The following PHLDB2 variants were observed in gnomAD, a reference collection of about 807,000 sequenced individuals.
PHLDB2 encodes pleckstrin homology like domain family B member 2, also known as pleckstrin homology-like domain family B member 2.
In PHLDB2, 71 loss-of-function variants were observed where a neutral mutation model predicts 123.6. The ratio of observed to expected loss-of-function variants is 0.57; its 90% CI spans 0.47 to 0.70. The LOEUF (loss-of-function observed/expected upper bound fraction) is 0.70, where lower values mean the gene tolerates loss of function less well. PHLDB2 is among the 30% of genes least tolerant of loss of function. The pLI, the probability that PHLDB2 is intolerant of heterozygous loss-of-function variation, is 0.00. For synonymous variants in PHLDB2, 547 were observed against 541.6 expected, an observed-to-expected ratio of 1.01 and a Z score of -0.14; for missense variants, 1,446 against 1,519.5, an observed-to-expected ratio of 0.95 and a Z score of 0.80.
intron 2 of PHLDB2, among the ~76,000 whole-genome samples, chr3:111,903,222 G>A (rs2067301813): frequency 6.6e-6 from 1 of 152,342 alleles, no homozygotes. Context: ...TTAGGGTGGA[G>A]CCAGGGCAAT....
At chr3:111,928,989 C>T (rs1297090921) in intron 5 of PHLDB2, among the ~76,000 whole-genome samples, 2 of 152,112 alleles carry the variant, frequency 1.3e-5, no homozygotes, top group Non-Finnish European at 2.9e-5. Flanking sequence ...AGGCTAGGTG[C>T]AGTGGCTCAT....
At chr3:111,932,245 T>C (rs1289254398) in intron 5 of PHLDB2, 24 bp from the exon 6 acceptor site, 2 of 1,548,634 alleles carry the variant, frequency 1.3e-6, no homozygotes, top group Admixed American at 2.0e-5. Context: ...ATTTCTATTC[T>C]ATTTTCTGGT....
chr3:111,839,940 C>CTGTTT (rs2063601288), intron 1 of PHLDB2, among the ~76,000 whole-genome samples: 1 of 64,946 alleles, frequency 1.5e-5, no homozygotes, highest in Non-Finnish European at 2.6e-5. Flanking sequence ...CCCACCCCCG[C>CTGTTT]TTTTTTTTTT....
intron 1 of PHLDB2, among the ~76,000 whole-genome samples, chr3:111,733,103 G>C (rs1470327840): frequency 6.6e-6 from 1 of 152,078 alleles, no homozygotes; most frequent in African/African-American, 2.4e-5. Context: ...TACATATACT[G>C]TAGTATATGG....
At chr3:111,836,363 GAAAGAGGGAAAACA>G (rs1425317390) in intron 1 of PHLDB2, among the ~76,000 whole-genome samples, 1 of 152,156 alleles carries the variant, frequency 6.6e-6, no homozygotes, top group East Asian at 1.9e-4. Context: ...ATGAATGCTG[GAAAGAGGGAAAACA>G]AAAGGAAGGG....
chr3:111,845,711 C>A, intron 1 of PHLDB2: 1 of 1,264,544 alleles, frequency 7.9e-7, no homozygotes, highest in East Asian at 2.4e-5. Context: ...AGTTAGTTTC[C>A]CCGGATGTTA....
At chr3:111,893,600 G>A (rs1010241281) in intron 2 of PHLDB2, among the ~76,000 whole-genome samples, 27 of 150,920 alleles carry the variant, frequency 1.8e-4, no homozygotes, top group African/African-American at 6.5e-4. Context: ...TTGCTGTGGA[G>A]CCTTTTCTTA....
chr3:111,869,382 C>T (rs975580633), intron 1 of PHLDB2, among the ~76,000 whole-genome samples: 1 of 151,860 alleles, frequency 6.6e-6, no homozygotes, highest in African/African-American at 2.4e-5. Flanking sequence ...TCCTTTGAGT[C>T]TTTTGTTCTT....
intron 8 of PHLDB2, among the ~76,000 whole-genome samples, chr3:111,941,686 G>T (rs1337534955): frequency 6.6e-6 from 1 of 151,988 alleles, no homozygotes; most frequent in Non-Finnish European, 1.5e-5. Flanking sequence ...CACACACCTT[G>T]ATCCCAGCTA....
chr3:111,913,630 G>T lies in PHLDB2; in HGVS notation c.1647G>T (p.Arg549=), dbSNP rs763734356. The change falls in exon 3 of 18, where the codon CGG becomes CGT. Residue 549 remains arginine, a synonymous_variant. Coordinates refer to ENST00000431670, the MANE Select transcript of PHLDB2 (RefSeq NM_001134438.2). ...RNDELLSDLT[R]TPPPPSSTFP... ...ATGAACTACTCAGTGACCTCACCCG[G>T]ACTCCTCCACCACCATCCTCCACCT... 11 of 1,613,916 alleles carry T rather than the reference G, an allele frequency of 6.8e-6. No homozygotes were observed. Among genetic ancestry groups the T allele is most frequent in the Non-Finnish European group, 8.5e-6 (10 of 1,179,962 alleles).
At chr3:111,736,649 A>G (rs1461671916) in intron 1 of PHLDB2, among the ~76,000 whole-genome samples, 4 of 152,234 alleles carry the variant, frequency 2.6e-5, no homozygotes, top group African/African-American at 9.6e-5. Context: ...TCAGAAATTA[A>G]AAATGCCAAA....
In PHLDB2 at chr3:111,974,544, A is replaced by G; in HGVS notation, c.3743A>G (p.Tyr1248Cys). ...MDVIVTGAEG[Y>C]THFLL ...GTTATAGTTACGGGGGCAGAAGGTT[A>G]CACTCACTTCTTGTTGTAGTGAACT... The change falls in exon 18 of 18, where the codon TAC becomes TGC. Residue 1248 changes from tyrosine to cysteine, a missense_variant. Physicochemically the swap from Tyr to Cys is radical, Grantham distance 194 (BLOSUM62 -2). Coordinates refer to ENST00000431670, the MANE Select transcript of PHLDB2 (RefSeq NM_001134438.2). 6.2e-7 allele frequency: 1 copy of G among 1,612,848 alleles called. No homozygotes were observed. Among genetic ancestry groups the G allele is most frequent in the Non-Finnish European group, 8.5e-7 (1 of 1,179,430 alleles).
At chr3:111,793,973 T>A (rs1328025140) in intron 1 of PHLDB2, among the ~76,000 whole-genome samples, 1 of 150,034 alleles carries the variant, frequency 6.7e-6, no homozygotes, top group African/African-American at 2.5e-5. Context: ...CTGCCTGGAG[T>A]TGGGGGAGGG....
At chr3:111,898,737 G>A (rs1181789661) in intron 2 of PHLDB2, among the ~76,000 whole-genome samples, 1 of 152,180 alleles carries the variant, frequency 6.6e-6, no homozygotes, top group East Asian at 1.9e-4. Context: ...TCCATCTCGA[G>A]AAACCATTTT....
intron 1 of PHLDB2, among the ~76,000 whole-genome samples, chr3:111,735,566 T>C (rs1941660784): frequency 1.3e-5 from 2 of 152,332 alleles, no homozygotes; most frequent in South Asian, 4.1e-4. Flanking sequence ...GTATCTCAAG[T>C]GTGTGATAGC....
chr3:111,956,357 T>A (rs963802468), intron 12 of PHLDB2, among the ~76,000 whole-genome samples: 4 of 152,190 alleles, frequency 2.6e-5, no homozygotes, highest in African/African-American at 9.6e-5. Context: ...TCTCAGTTAT[T>A]CTAATCTGTT....
intron 2 of PHLDB2, among the ~76,000 whole-genome samples, chr3:111,904,210 G>A (rs1338293081): frequency 2.9e-5 from 4 of 139,602 alleles, no homozygotes; most frequent in African/African-American, 1.1e-4. Flanking sequence ...CCCAAGAGGT[G>A]GGGGTTGCAA....
At chr3:111,924,670 T>C (rs1021823857) in intron 5 of PHLDB2, among the ~76,000 whole-genome samples, 1 of 152,190 alleles carries the variant, frequency 6.6e-6, no homozygotes, top group African/African-American at 2.4e-5. Flanking sequence ...AACCATGGAA[T>C]GAGAAAAGCA....
chr3:111,855,892 A>C (rs1480006544), upstream of PHLDB2, among the ~76,000 whole-genome samples: 1 of 152,066 alleles, frequency 6.6e-6, no homozygotes, highest in Non-Finnish European at 1.5e-5. Context: ...TCGGCTCCCA[A>C]GGTGTTGGGA....
Sources: allele counts gnomAD v4.1 joint callset (sites outside exome capture counted in the v4.1 genomes callset), GRCh38; gene constraint gnomAD v4.1.1; transcripts MANE v1.5; gene names NCBI Gene and HGNC (gene_info 2026-07-23, HGNC 2026-07-21).